Variants in DMXL2 observed in about 807,000 individuals in gnomAD.
The protein encoded by DMXL2 is dmX-like protein 2.
A neutral mutation model predicts 331.1 loss-of-function variants in DMXL2; 103 were observed. The observed-to-expected ratio is 0.31, with a 90% CI of 0.27 to 0.37. The LOEUF is 0.37. Ranked by LOEUF, DMXL2 falls within the 10% of genes least tolerant of loss-of-function variation. The probability of loss-of-function intolerance (pLI) is 1.00; values close to 1 mark genes in which losing one functional copy is unlikely to be tolerated. For missense variants in DMXL2, 3,171 were observed against 3,642.9 expected (o/e 0.87, Z 3.33); for synonymous variants, 1,281 against 1,252.1 (o/e 1.02, Z -0.49).
At chr15:51,457,636 T>C in intron 36 of DMXL2, 170 bp from the exon 37 acceptor site, 1 of 676,878 alleles carries the variant, frequency 1.5e-6, no homozygotes, top group South Asian at 2.6e-5. Context: ...CTGGTTAACT[T>C]TTTTCCCTTT....
chr15:51,552,902 C>G (rs2049310334), intron 6 of DMXL2, among the ~76,000 whole-genome samples: 1 of 152,222 alleles, frequency 6.6e-6, no homozygotes, highest in Non-Finnish European at 1.5e-5. Context: ...CACTACACTC[C>G]AGCTTTCTGT....
At chr15:51,527,026 C>A (rs1460701800) in intron 13 of DMXL2, among the ~76,000 whole-genome samples, 1 of 152,096 alleles carries the variant, frequency 6.6e-6, no homozygotes, top group Non-Finnish European at 1.5e-5. Flanking sequence ...ACATCAATAT[C>A]CGAGTACAAG....
At chr15:51,596,143 A>T (rs2141276815) in intron 1 of DMXL2, among the ~76,000 whole-genome samples, 1 of 152,334 alleles carries the variant, frequency 6.6e-6, no homozygotes, top group South Asian at 2.1e-4. Context: ...AACCTACAGA[A>T]TGGGAGAAAA....
At chr15:51,575,883 G>T (rs2050992272) in intron 2 of DMXL2, among the ~76,000 whole-genome samples, 173 bp downstream of exon 2, 1 of 152,046 alleles carries the variant, frequency 6.6e-6, no homozygotes. Flanking sequence ...CAAATTATCA[G>T]TTTAATGGCA....
At chr15:51,537,258 A>T (rs1290479071) in intron 11 of DMXL2, among the ~76,000 whole-genome samples, 2 of 152,160 alleles carry the variant, frequency 1.3e-5, no homozygotes, top group African/African-American at 2.4e-5. Context: ...CAACACATAT[A>T]TTTAAATATT....
intron 6 of DMXL2, among the ~76,000 whole-genome samples, chr15:51,556,869 C>G (rs1223523465): frequency 1.3e-5 from 2 of 151,540 alleles, no homozygotes; most frequent in Non-Finnish European, 2.9e-5. Flanking sequence ...TAGCAAACAA[C>G]AAATAGAAGG....
In DMXL2 at chr15:51,545,692, G is replaced by T; in HGVS notation, c.821C>A (p.Pro274Gln). 1 of 1,613,622 alleles carries T rather than the reference G, an allele frequency of 6.2e-7. No homozygotes were observed. Among genetic ancestry groups the T allele is most frequent in the Non-Finnish European group, 8.5e-7 (1 of 1,179,704 alleles). Residue 274 changes from proline (P) to glutamine (Q), a missense_variant, in exon 8 of 44, where the codon CCA becomes CAA. Around this residue, in one of 7 missense-constraint regions of DMXL2, gnomAD observed 1,674 missense variants for 1,780.2 expected, o/e 0.94. Coordinates refer to ENST00000560891, the MANE Select transcript of DMXL2 (RefSeq NM_001378457.1). ...VCRLWAETLL[P>Q]EDCLLGEQIC... is the part of the protein sequence containing the mutation. ...CTGCTCACCCAAAAGACAGTCTTCT[G>T]GTAATAAAGTTTCTGCCCAGAGCCG... is the stretch of plus-strand genomic sequence containing the variant.
intron 1 of DMXL2, among the ~76,000 whole-genome samples, chr15:51,593,653 A>G (rs2052567971): frequency 6.6e-6 from 1 of 152,216 alleles, no homozygotes; most frequent in Non-Finnish European, 1.5e-5. Context: ...AAAATTGACC[A>G]CATAGTTGGA....
In DMXL2 at chr15:51,598,975, A is replaced by G. The variant is rs151044290; in HGVS notation, c.88-22794T>C. Among the ~76,000 whole-genome samples, 1,458 of 152,328 alleles carry G rather than the reference A, an allele frequency of 9.6e-3. 20 individuals are homozygous for G. Among genetic ancestry groups the G allele is most frequent in the African/African-American group, 0.034 (1,401 of 41,578 alleles). ...TGCCAAATGGCAATTTTCTAATTCCATCGTTGCATCATTTGTCAGTTTCCC... is the reference window on the plus strand; with the variant it reads ...TGCCAAATGGCAATTTTCTAATTCCGTCGTTGCATCATTTGTCAGTTTCCC... On this transcript the variant is annotated intron_variant, in intron 1 of 43. Coordinates refer to ENST00000560891, the MANE Select transcript of DMXL2 (RefSeq NM_001378457.1).
At chr15:51,493,991 C>T (rs2042985803) in intron 19 of DMXL2, among the ~76,000 whole-genome samples, 1 of 152,094 alleles carries the variant, frequency 6.6e-6, no homozygotes. Flanking sequence ...TAAATGAGCA[C>T]ATTTCTGAAG....
chr15:51,518,198 T>C (rs943699375), intron 13 of DMXL2, among the ~76,000 whole-genome samples: 1 of 152,080 alleles, frequency 6.6e-6, no homozygotes, highest in Admixed American at 6.6e-5. Context: ...TGGGGAGTGA[T>C]GGAGGGTGCC....
chr15:51,548,800 A>T (rs2049034191), intron 6 of DMXL2, among the ~76,000 whole-genome samples: 1 of 152,112 alleles, frequency 6.6e-6, no homozygotes, highest in African/African-American at 2.4e-5. Flanking sequence ...TGAAAACTAA[A>T]AACTTCTAAA....
intron 13 of DMXL2, among the ~76,000 whole-genome samples, chr15:51,525,901 G>A (rs866489041): frequency 1.4e-4 from 21 of 152,000 alleles, no homozygotes; most frequent in African/African-American, 4.4e-4. Context: ...ACACAGGCCC[G>A]GCTGACTTTG....
intron 13 of DMXL2, among the ~76,000 whole-genome samples, chr15:51,523,970 A>T (rs2047523373): frequency 6.6e-6 from 1 of 152,226 alleles, no homozygotes. Flanking sequence ...CAACACCATC[A>T]ATCAAAACAG....
chr15:51,493,943 G>A (rs1225297153), intron 19 of DMXL2, among the ~76,000 whole-genome samples: 1 of 151,682 alleles, frequency 6.6e-6, no homozygotes, highest in Non-Finnish European at 1.5e-5. Flanking sequence ...TTCAATTTTT[G>A]TTGGTACGTA....
intron 1 of DMXL2, among the ~76,000 whole-genome samples, chr15:51,595,692 A>G (rs1202822705): frequency 6.6e-6 from 1 of 152,222 alleles, no homozygotes; most frequent in Non-Finnish European, 1.5e-5. Context: ...ACAGTAACCA[A>G]AACAGTATGG....
intron 1 of DMXL2, among the ~76,000 whole-genome samples, chr15:51,608,979 T>C (rs2053778204): frequency 6.6e-6 from 1 of 152,162 alleles, no homozygotes; most frequent in Non-Finnish European, 1.5e-5. Flanking sequence ...GTTATAAAAA[T>C]AGGCTTACCA....
At chr15:51,523,217 G>A (rs183969998) in intron 13 of DMXL2, among the ~76,000 whole-genome samples, 15 of 152,260 alleles carry the variant, frequency 9.9e-5, no homozygotes, top group Non-Finnish European at 1.8e-4. Flanking sequence ...AAATCAAAAC[G>A]ATGAGCAGAA....
chr15:51,480,544 G>C lies in DMXL2; in HGVS notation c.6562C>G (p.Gln2188Glu). 6.6e-7 allele frequency: 1 copy of C among 1,517,440 alleles called. No individual in the cohort carries two copies. Among genetic ancestry groups the C allele is most frequent in the South Asian group, 1.3e-5 (1 of 75,018 alleles). The allele number at this position is 1,517,440 out of a possible 1,614,324, so 94.0% of individuals were successfully genotyped here. ...TGAAAAAAAAGTGATATTCACACCT[G>C]TTGTGATTCTTGTAGCAAAAATTTG... ...ELKFLLQESQ[Q>E]ETTVKQLQSP... Residue 2188 changes from glutamine to glutamate, a missense_variant and splice_region_variant, in exon 24 of 44, where the codon CAG becomes GAG. By Grantham distance (29) the Gln-to-Glu change is conservative. Coordinates refer to ENST00000560891, the MANE Select transcript of DMXL2 (RefSeq NM_001378457.1).
Sources: gnomAD v4.1 joint callset for allele counts (sites outside exome capture counted in the v4.1 genomes callset) on GRCh38, gnomAD v4.1.1 for gene constraint, gnomAD v4.1.1 regional missense constraint, MANE v1.5 for transcripts, NCBI Gene and HGNC (gene_info 2026-07-23, HGNC 2026-07-21) for gene names.